Variants in LY96 observed in about 807,000 individuals in gnomAD.
LY96 encodes myeloid differentiation protein-2.
A neutral mutation model predicts 18.9 loss-of-function variants in LY96; 18 were observed. The observed-to-expected ratio is 0.95, with a 90% CI of 0.66 to 1.41. The LOEUF is 1.41. Ranked by LOEUF, LY96 falls within the 40% of genes most tolerant of loss-of-function variation. The probability of loss-of-function intolerance (pLI) is 0.00; values close to 1 mark genes in which losing one functional copy is unlikely to be tolerated. For synonymous variants in LY96, 66 were observed against 62.6 expected (o/e 1.06, Z -0.26); for missense variants, 175 against 182.4 (o/e 0.96, Z 0.23).
intron 1 of LY96, among the ~76,000 whole-genome samples, chr8:73,999,025 C>T (rs1175271357): frequency 6.6e-6 from 1 of 151,082 alleles, no homozygotes; most frequent in Non-Finnish European, 1.5e-5. Flanking sequence ...GGCTGGAATG[C>T]AGTGGCATGA....
At chr8:74,097,898 C>T in the LY96 span, among the ~76,000 whole-genome samples, 10,323 of 152,244 alleles carry the variant, frequency 0.068, 386 homozygotes, top group Non-Finnish European at 0.081. Context: ...TGCCTTTTGA[C>T]ACTATCCCTA....
chr8:74,094,509 A>G, the LY96 span, among the ~76,000 whole-genome samples: 1 of 152,178 alleles, frequency 6.6e-6, no homozygotes, highest in Non-Finnish European at 1.5e-5. Context: ...TTTCTTTGCA[A>G]TGCCTTCTTT....
At chr8:74,016,451 G>T (rs1385733213) in intron 3 of LY96, among the ~76,000 whole-genome samples, 1 of 152,200 alleles carries the variant, frequency 6.6e-6, no homozygotes, top group Non-Finnish European at 1.5e-5. Flanking sequence ...CTGAACAAAA[G>T]GCAGCAGAAA....
intron 3 of LY96, among the ~76,000 whole-genome samples, chr8:74,021,027 A>G (rs1379526850): frequency 6.6e-6 from 1 of 152,266 alleles, no homozygotes; most frequent in African/African-American, 2.4e-5. Context: ...CTTTATGACT[A>G]AAACACCAAA....
At chr8:74,080,158 C>T in the LY96 span, among the ~76,000 whole-genome samples, 1 of 152,164 alleles carries the variant, frequency 6.6e-6, no homozygotes, top group Admixed American at 6.5e-5. Context: ...AACAAGACCC[C>T]TGGAAGGCAG....
chr8:74,077,010 G>T, the LY96 span, among the ~76,000 whole-genome samples: 1 of 152,130 alleles, frequency 6.6e-6, no homozygotes, highest in Non-Finnish European at 1.5e-5. Context: ...TTGCTACAAT[G>T]ACTCATAGAA....
the LY96 span, among the ~76,000 whole-genome samples, chr8:74,072,337 A>C: frequency 6.6e-6 from 1 of 152,184 alleles, no homozygotes; most frequent in Admixed American, 6.5e-5. Context: ...ATGAAATTAA[A>C]AATTTTCCAT....
intron 1 of LY96, among the ~76,000 whole-genome samples, chr8:74,003,115 A>G (rs1816332745): frequency 6.6e-6 from 1 of 152,128 alleles, no homozygotes; most frequent in African/African-American, 2.4e-5. Flanking sequence ...TCTGTTTGGC[A>G]TCTACACATT....
chr8:74,060,947 C>A, the LY96 span, among the ~76,000 whole-genome samples: 1 of 152,212 alleles, frequency 6.6e-6, no homozygotes, highest in Non-Finnish European at 1.5e-5. Context: ...CATCCCTATT[C>A]AACAATGACA....
the LY96 span, among the ~76,000 whole-genome samples, chr8:74,055,408 T>G: frequency 6.6e-5 from 10 of 152,316 alleles, no homozygotes; most frequent in African/African-American, 2.4e-4. Flanking sequence ...TTATTTAAGC[T>G]TTTTTCCTTG....
the LY96 span, among the ~76,000 whole-genome samples, chr8:74,038,167 T>C: frequency 6.6e-6 from 1 of 152,196 alleles, no homozygotes; most frequent in African/African-American, 2.4e-5. Context: ...ATCCATCACC[T>C]CAATCATTTA....
At chr8:74,001,104 A>G (rs1816253950) in intron 1 of LY96, among the ~76,000 whole-genome samples, 1 of 152,168 alleles carries the variant, frequency 6.6e-6, no homozygotes, top group South Asian at 2.1e-4. Context: ...AACACCTTAT[A>G]GTTATGACAG....
intron 3 of LY96, among the ~76,000 whole-genome samples, chr8:74,016,799 G>A (rs1816652542): frequency 6.6e-6 from 1 of 152,216 alleles, no homozygotes; most frequent in Admixed American, 6.5e-5. Flanking sequence ...CAACAGACCT[G>A]CATCTGAGGG....
chr8:74,029,077 A>G lies in LY96; in HGVS notation c.*23A>G. 1 of 1,433,252 alleles carries G rather than the reference A, an allele frequency of 7.0e-7. No homozygotes were observed. Among genetic ancestry groups the G allele is most frequent in the Non-Finnish European group, 9.8e-7 (1 of 1,021,350 alleles). 88.8% of individuals were successfully genotyped at this position (1,433,252 alleles called of 1,614,324 possible). A position where few individuals can be genotyped will look rare whatever the true frequency, so the allele number is the denominator to read the frequency against. ...TAGAATAAATTGAGTATTTAAAAAA[A>G]AATTTAAAGGTATTGTTCCTGTTTT... On this transcript the variant is annotated 3_prime_UTR_variant, in exon 5 of 5. Coordinates refer to ENST00000284818, the MANE Select transcript of LY96 (RefSeq NM_015364.5).
the LY96 span, among the ~76,000 whole-genome samples, chr8:74,095,530 A>G: frequency 6.6e-6 from 1 of 152,174 alleles, no homozygotes; most frequent in Non-Finnish European, 1.5e-5. Context: ...CGTGAAGGTC[A>G]CCATGGCTTC....
Position 74,028,999 on chromosome 8 carries a change from A to C in LY96, c.428A>C (p.Glu143Ala), listed in dbSNP as rs202107994. 6.4e-5 allele frequency: 103 copies of C among 1,612,742 alleles called. No homozygotes were observed. The East Asian group carries it at 2.2e-3, about 35-fold the overall frequency. Residue 143 changes from glutamate to alanine, a missense_variant, in exon 5 of 5, where the codon GAA becomes GCA. Physicochemically the swap from Glu to Ala is moderately radical, Grantham distance 107. Transcript: ENST00000284818. The stretch of plus-strand genomic sequence containing the variant: ...GTTGAAGCTATTTCTGGGAGCCCAG[A>C]AGAAATGCTCTTTTGCTTGGAGTTT... ...CVVEAISGSP[E>A]EMLFCLEFVI...
Position 74,006,186 on chromosome 8 carries a change from TTCTC to T in LY96, c.202+1313_202+1316del, listed in dbSNP as rs967619303. 7.2e-5 allele frequency among the ~76,000 whole-genome samples: 11 copies of T among 152,076 alleles called. No homozygotes were observed. The South Asian group carries it at 1.5e-3, about 20-fold the overall frequency. ...GCACTGTGAATTCATTGATAAGATA[TTCTC>T]TCTCTCTCTCTTTTTTTCTTTTGAG... On this transcript the variant is annotated intron_variant, in intron 2 of 4. Transcript: ENST00000284818.
the LY96 span, among the ~76,000 whole-genome samples, chr8:74,044,993 T>C: frequency 6.6e-6 from 1 of 152,380 alleles, no homozygotes; most frequent in African/African-American, 2.4e-5. Flanking sequence ...TGAGAATGTA[T>C]AAAATTCCTG....
the LY96 span, among the ~76,000 whole-genome samples, chr8:74,085,618 C>T: frequency 7.4e-4 from 112 of 152,360 alleles, no homozygotes; most frequent in Admixed American, 3.3e-3. Flanking sequence ...CTCTTGTTCA[C>T]TTGTTCCAGT....
Sources: allele counts gnomAD v4.1 joint callset (sites outside exome capture counted in the v4.1 genomes callset), GRCh38; gene constraint gnomAD v4.1.1; transcripts MANE v1.5; gene names NCBI Gene and HGNC (gene_info 2026-07-23, HGNC 2026-07-21).